The following PCDH15 variants were observed in gnomAD, a reference collection of about 807,000 sequenced individuals.
PCDH15 encodes protocadherin related 15.
A neutral mutation model predicts 178.5 loss-of-function variants in PCDH15; 129 were observed. The observed-to-expected ratio is 0.72, with a 90% CI of 0.63 to 0.84. The LOEUF is 0.84. Among genes scored for constraint, PCDH15 ranks in the 40% least tolerant of loss-of-function variants. The pLI, the probability that PCDH15 is intolerant of heterozygous loss-of-function variation, is 0.00. For missense variants in PCDH15, 2,230 were observed against 2,099.9 expected (o/e 1.06, Z -1.21); for synonymous variants, 800 against 732.0 (o/e 1.09, Z -1.50).
At chr10:53,849,748 C>A in intron 28 of PCDH15, among the ~76,000 whole-genome samples, 1 of 149,908 alleles carries the variant, frequency 6.7e-6, no homozygotes, top group East Asian at 2.0e-4. Context: ...CCTGTAGTCC[C>A]AGCAATTCAG....
At chr10:55,162,918 C>G (rs562882010) in intron 2 of PCDH15, among the ~76,000 whole-genome samples, 2 of 152,244 alleles carry the variant, frequency 1.3e-5, no homozygotes, top group Admixed American at 1.3e-4. Flanking sequence ...TGCAACTTCT[C>G]TAATTATTTT....
In PCDH15 at chr10:54,778,072, C is replaced by T. The variant is rs60192513; in HGVS notation, c.-29+22853G>A. ...ACATTATGAAACAAGGAAGAATTCA[C>T]GAGAAACTTTGAAATTGCCATATGC... On this transcript the variant is annotated intron_variant, in intron 1 of 37. Transcript: ENST00000644397. Among the ~76,000 whole-genome samples the T allele has an allele frequency of 4.2e-3, 645 of 152,286 alleles. 4 individuals are homozygous for T. The highest frequency in any genetic ancestry group is 0.015 in the African/African-American group (611 of 41,566).
chr10:54,852,534 G>T (rs141970478), intron 3 of PCDH15, among the ~76,000 whole-genome samples: 3 of 152,230 alleles, frequency 2.0e-5, no homozygotes, highest in African/African-American at 7.2e-5. Context: ...AATATAAAAA[G>T]AAACTGTGGT....
At chr10:54,510,566 A>G (rs893606977) in intron 3 of PCDH15, among the ~76,000 whole-genome samples, 4 of 152,170 alleles carry the variant, frequency 2.6e-5, no homozygotes, top group African/African-American at 9.6e-5. Flanking sequence ...TTGGAAAACT[A>G]CAATGGACTA....
At chr10:54,400,195 A>C (rs556542654) in intron 3 of PCDH15, among the ~76,000 whole-genome samples, 1 of 152,116 alleles carries the variant, frequency 6.6e-6, no homozygotes, top group Non-Finnish European at 1.5e-5. Context: ...TTGGATTAGC[A>C]CATTAGCAAA....
At chr10:55,439,457 A>G (rs1046669591) in intron 2 of PCDH15, among the ~76,000 whole-genome samples, 5 of 152,218 alleles carry the variant, frequency 3.3e-5, no homozygotes, top group African/African-American at 1.2e-4. Flanking sequence ...AATGACCTTC[A>G]TTCCAGAAAA....
At chr10:54,312,608 A>G (rs942774405) in intron 8 of PCDH15, among the ~76,000 whole-genome samples, 2 of 152,098 alleles carry the variant, frequency 1.3e-5, no homozygotes, top group African/African-American at 4.8e-5. Context: ...CCAACAGCCT[A>G]TAAGAGGCTT....
intron 1 of PCDH15, among the ~76,000 whole-genome samples, chr10:55,192,760 T>C (rs1381469563): frequency 6.6e-6 from 1 of 151,320 alleles, no homozygotes; most frequent in East Asian, 1.9e-4. Context: ...TATATACATA[T>C]AGATACATGC....
intron 15 of PCDH15, among the ~76,000 whole-genome samples, chr10:54,128,411 C>T (rs2042156731): frequency 6.6e-6 from 1 of 152,138 alleles, no homozygotes. Context: ...TGCTTTCTTG[C>T]CAACTGCCCA....
intron 1 of PCDH15, among the ~76,000 whole-genome samples, chr10:55,176,159 AT>A (rs909726026): frequency 7.9e-5 from 12 of 152,116 alleles, no homozygotes; most frequent in African/African-American, 2.6e-4. Flanking sequence ...AGGAGTGGCC[AT>A]TTCTGTTCTC....
intron 2 of PCDH15, among the ~76,000 whole-genome samples, chr10:55,107,484 C>CTTTTTTT (rs11290952): frequency 9.4e-4 from 81 of 86,222 alleles, no homozygotes; most frequent in Non-Finnish European, 1.1e-3. Flanking sequence ...ATTCTCTTTC[C>CTTTTTTT]TTTTTTTTTT....
chr10:54,462,461 G>A (rs2077224874), intron 3 of PCDH15, among the ~76,000 whole-genome samples: 1 of 136,982 alleles, frequency 7.3e-6, no homozygotes, highest in South Asian at 2.3e-4. Flanking sequence ...GCTCCTATTT[G>A]TTAATCCTTT....
chr10:55,140,690 C>A (rs1364208386), intron 2 of PCDH15, among the ~76,000 whole-genome samples: 2 of 151,924 alleles, frequency 1.3e-5, no homozygotes, highest in African/African-American at 4.8e-5. Context: ...CAATTGATAT[C>A]AATTCTTTTT....
chr10:55,472,168 A>G (rs1839969277), intron 2 of PCDH15, among the ~76,000 whole-genome samples: 1 of 152,196 alleles, frequency 6.6e-6, no homozygotes, highest in Admixed American at 6.5e-5. Context: ...TCATCTCTGA[A>G]ATAAATTAAC....
intron 13 of PCDH15, 115 bp from the exon 14 acceptor site, chr10:54,153,408 C>G (rs2044756694): frequency 1.7e-6 from 2 of 1,148,552 alleles, no homozygotes; most frequent in African/African-American, 1.5e-5. Flanking sequence ...AGGAAAGTTT[C>G]CTTGACATAT....
chr10:54,035,279 A>G (rs930040922), intron 18 of PCDH15, among the ~76,000 whole-genome samples: 1 of 151,870 alleles, frequency 6.6e-6, no homozygotes, highest in African/African-American at 2.4e-5. Flanking sequence ...CGGACGTTGC[A>G]TTTTTTACAA....
chr10:54,316,193 T>G (rs923412901), intron 8 of PCDH15, among the ~76,000 whole-genome samples: 1 of 152,118 alleles, frequency 6.6e-6, no homozygotes, highest in East Asian at 1.9e-4. Context: ...CCAGTGATCA[T>G]TGCTGTGAGT....
intron 25 of PCDH15, among the ~76,000 whole-genome samples, chr10:53,919,712 A>G (rs1165666698): frequency 1.3e-5 from 2 of 152,250 alleles, no homozygotes; most frequent in East Asian, 1.9e-4. Flanking sequence ...ACCTGAAGTA[A>G]TCCTTGGATT....
chr10:55,226,554 A>G (rs993269103), intron 1 of PCDH15, among the ~76,000 whole-genome samples: 2 of 151,590 alleles, frequency 1.3e-5, no homozygotes, highest in Non-Finnish European at 2.9e-5. Context: ...GCTAATTTTT[A>G]GATTTTTAGT....
Sources: allele counts gnomAD v4.1 joint callset (sites outside exome capture counted in the v4.1 genomes callset), GRCh38; gene constraint gnomAD v4.1.1; transcripts MANE v1.5; gene names NCBI Gene and HGNC (gene_info 2026-07-23, HGNC 2026-07-21).